The following BAZ1A variants were observed in gnomAD, a reference collection of about 807,000 sequenced individuals.
The protein encoded by BAZ1A is bromodomain adjacent to zinc finger domain 1A.
A neutral mutation model predicts 185.2 loss-of-function variants in BAZ1A; 50 were observed. The ratio of observed to expected loss-of-function variants is 0.27; its 90% CI spans 0.22 to 0.34. BAZ1A has a LOEUF of 0.34. Ranked by LOEUF, BAZ1A falls within the 10% of genes least tolerant of loss-of-function variation. The probability of loss-of-function intolerance (pLI) is 1.00; values close to 1 mark genes in which losing one functional copy is unlikely to be tolerated. For missense variants in BAZ1A, 1,356 were observed against 1,839.9 expected (o/e 0.74, Z 4.81); for synonymous variants, 571 against 615.6 (o/e 0.93, Z 1.07).
chr14:34,862,354 C>T, intron 2 of BAZ1A, 32 bp from the exon 3 acceptor site: 1 of 1,562,460 alleles, frequency 6.4e-7, no homozygotes, highest in Non-Finnish European at 8.6e-7. Flanking sequence ...AAACAAAAGC[C>T]CATTACCTAT....
At position 34,823,311 on chromosome 14, in the gene BAZ1A, G is replaced by A. The variant is rs532616653; in HGVS notation, c.536+2702C>T. Among the ~76,000 whole-genome samples, 176 of 151,672 alleles carry A rather than the reference G, an allele frequency of 1.2e-3. 2 individuals carry two copies. Among genetic ancestry groups the A allele is most frequent in the African/African-American group, 4.1e-3 (170 of 41,320 alleles). On this transcript the variant is annotated intron_variant, in intron 4 of 26. Transcript: ENST00000360310. ...AGAGGTTGCAGTGGGCCGAGACTGC[G>A]CCACTGCACTCCAGCCTGGGCGACA...
At chr14:34,867,705 G>A (rs568775348) in intron 2 of BAZ1A, among the ~76,000 whole-genome samples, 1 of 152,166 alleles carries the variant, frequency 6.6e-6, no homozygotes, top group Admixed American at 6.6e-5. Context: ...AAGGAGGCAG[G>A]ACATGCTACC....
chr14:34,814,645 AT>A (rs1021562445), intron 4 of BAZ1A, among the ~76,000 whole-genome samples: 85 of 146,978 alleles, frequency 5.8e-4, no homozygotes, highest in Non-Finnish European at 9.8e-4. Context: ...AATTTTTTGT[AT>A]TTTTTTTTTG....
At chr14:34,832,529 A>C (rs1448379095) in intron 3 of BAZ1A, among the ~76,000 whole-genome samples, 1 of 152,038 alleles carries the variant, frequency 6.6e-6, no homozygotes, top group Non-Finnish European at 1.5e-5. Flanking sequence ...AAGAAGATAC[A>C]AACAGCAATA....
chr14:34,874,574 T>C lies in BAZ1A; in HGVS notation c.31A>G (p.Arg11Gly). The C allele has an allele frequency of 6.2e-7, 1 of 1,610,360 alleles. No individual in the cohort carries two copies. The highest frequency in any genetic ancestry group is 1.1e-5 in the South Asian group (1 of 90,958). The change falls in exon 2 of 27, where the codon AGA becomes GGA. Residue 11 changes from arginine to glycine, a missense_variant. Coordinates refer to ENST00000360310, the MANE Select transcript of BAZ1A (RefSeq NM_013448.3). This position sits in a 1 kb window ranked among gnomAD's most constrained non-coding sequence, Gnocchi z 4.7. MPLLHRKPFV[R>G]QKPPADLRPD... ...CGCAGGTCCGCGGGCGGCTTCTGTC[T>C]CACAAACGGCTTTCGGTGTAGCAGC...
intron 17 of BAZ1A, among the ~76,000 whole-genome samples, chr14:34,777,475 C>T (rs575939690): frequency 4.7e-5 from 7 of 148,882 alleles, no homozygotes; most frequent in Non-Finnish European, 8.9e-5. Context: ...GAAATCCCGT[C>T]TCCACTAAAA....
Position 34,780,289 on chromosome 14 carries a change from A to G in BAZ1A, c.2133T>C (p.Phe711=), listed in dbSNP as rs1213536465. 1 of 1,612,084 alleles carries G rather than the reference A, an allele frequency of 6.2e-7. No homozygotes were observed. Among genetic ancestry groups the G allele is most frequent in the East Asian group, 2.2e-5 (1 of 44,766 alleles). The part of the protein sequence containing the change: ...ISIGEEERED[F]DTSIESKDTE... ...TGTCTTTGCTCTCAATGCTAGTATC[A>G]AAATCTTCCCTTTCTTCCTCCCTTT... Residue 711 remains phenylalanine (F), a synonymous_variant, in exon 17 of 27, where the codon TTT becomes TTC. Transcript: ENST00000360310.
intron 3 of BAZ1A, among the ~76,000 whole-genome samples, chr14:34,860,546 A>AG (rs1269051665): frequency 3.3e-5 from 5 of 151,172 alleles, no homozygotes; most frequent in Non-Finnish European, 5.9e-5. Flanking sequence ...GCAAAAAAAA[A>AG]AAACAAAAAC....
intron 9 of BAZ1A, among the ~76,000 whole-genome samples, chr14:34,799,327 T>C (rs1246217522): frequency 6.6e-6 from 1 of 152,038 alleles, no homozygotes; most frequent in Non-Finnish European, 1.5e-5. Context: ...GGCACATGTA[T>C]ACCTATGTAA....
Position 34,765,124 on chromosome 14 carries a change from G to A in BAZ1A, c.3446C>T (p.Ala1149Val). The part of the protein sequence containing the change: ...SVIWSKSILN[A>V]RCKICRKKGD... ...TTTCTTTCGACATATCTTGCAACGC[G>A]CATTCAGTATAGATTTAGACCATAT... Residue 1149 changes from alanine to valine, a missense_variant, in exon 22 of 27, where the codon GCG (alanine) becomes GTG (valine). Physicochemically the swap from Ala to Val is moderately conservative, Grantham distance 64. Coordinates refer to ENST00000360310, the MANE Select transcript of BAZ1A (RefSeq NM_013448.3). 1 of 1,614,052 alleles carries A rather than the reference G, an allele frequency of 6.2e-7. No homozygotes were observed. Among genetic ancestry groups the A allele is most frequent in the Non-Finnish European group, 8.5e-7 (1 of 1,180,020 alleles).
In BAZ1A at chr14:34,792,999, A is replaced by C. The variant is rs555010867; in HGVS notation, c.1364-78T>G. Reference sequence around the variant, plus strand: ...AACAACTCCACTGGAATAAACATGTAATCAACAATAGTATGTGCAACTATT... The same window carrying C: ...AACAACTCCACTGGAATAAACATGTCATCAACAATAGTATGTGCAACTATT... On this transcript the variant is annotated intron_variant, in intron 11 of 26. Coordinates refer to ENST00000360310, the MANE Select transcript of BAZ1A (RefSeq NM_013448.3). 1.7e-4 allele frequency: 217 copies of C among 1,311,368 alleles called. No homozygotes were observed. The East Asian group carries it at 4.2e-3, about 25-fold the overall frequency. 81.2% of individuals were successfully genotyped at this position (1,311,368 alleles called of 1,614,324 possible). A position where few individuals can be genotyped will look rare whatever the true frequency, so the allele number is the denominator to read the frequency against.
intron 3 of BAZ1A, among the ~76,000 whole-genome samples, chr14:34,839,667 C>A (rs2042382929): frequency 6.6e-6 from 1 of 150,666 alleles, no homozygotes; most frequent in Non-Finnish European, 1.5e-5. Flanking sequence ...CATGGAGAAA[C>A]CCCGTCTCTA....
chr14:34,837,278 G>C (rs964780249), intron 3 of BAZ1A, among the ~76,000 whole-genome samples: 2 of 151,716 alleles, frequency 1.3e-5, no homozygotes, highest in African/African-American at 4.9e-5. Context: ...CAGGGTCTCT[G>C]TTGCCCAGGC....
chr14:34,771,020 G>C (rs1879183095), intron 21 of BAZ1A, among the ~76,000 whole-genome samples: 1 of 151,570 alleles, frequency 6.6e-6, no homozygotes, highest in Non-Finnish European at 1.5e-5. Flanking sequence ...TTCTTTTAAA[G>C]AGACAGGGTC....
At chr14:34,758,182 C>G (rs545711197) in intron 25 of BAZ1A, among the ~76,000 whole-genome samples, 159 of 150,952 alleles carry the variant, frequency 1.1e-3, no homozygotes, top group African/African-American at 3.7e-3. Context: ...ACTCAAGTGG[C>G]TAAGTTGGAG....
intron 3 of BAZ1A, among the ~76,000 whole-genome samples, chr14:34,826,621 G>C (rs950231492): frequency 6.6e-6 from 1 of 152,062 alleles, no homozygotes; most frequent in Non-Finnish European, 1.5e-5. Flanking sequence ...TTGCTCCACT[G>C]GTTAAGAGTG....
rs758977660 is a variant in BAZ1A, at chr14:34,800,275, C to T, written c.1077G>A (p.Glu359=). 2 of 1,439,472 alleles carry T rather than the reference C, an allele frequency of 1.4e-6. No homozygotes were observed. The allele number at this position is 1,439,472 out of a possible 1,614,324, so 89.2% of individuals were successfully genotyped here. The change falls in exon 9 of 27, where the codon GAG becomes GAA. Residue 359 remains glutamate (E), a synonymous_variant. Coordinates refer to ENST00000360310, the MANE Select transcript of BAZ1A (RefSeq NM_013448.3). ...REELKKIVEE[E]RLKKKEEKER... is the part of the protein sequence containing the mutation. ...CTTTTTCTTCTTTTTTCTTTAGTCT[C>T]TCTTCTTCAACAATTTTTTTCAATT...
intron 25 of BAZ1A, among the ~76,000 whole-genome samples, chr14:34,757,336 G>A (rs111350802): frequency 3.6e-5 from 5 of 139,870 alleles, no homozygotes; most frequent in Admixed American, 2.3e-4. Flanking sequence ...TTGCACTCCA[G>A]CCTGGATGAC....
At chr14:34,784,024 T>G in intron 14 of BAZ1A, 97 bp from the exon 15 acceptor site, 1 of 1,107,570 alleles carries the variant, frequency 9.0e-7, no homozygotes, top group Non-Finnish European at 1.3e-6. Context: ...AAATGCCTAA[T>G]AAAGAATATG....
Sources: allele counts gnomAD v4.1 joint callset (sites outside exome capture counted in the v4.1 genomes callset), GRCh38; gene constraint gnomAD v4.1.1; non-coding constraint Gnocchi (gnomAD v3.1); transcripts MANE v1.5; gene names NCBI Gene and HGNC (gene_info 2026-07-23, HGNC 2026-07-21).